Variants in PDIA4 observed in about 807,000 individuals in gnomAD.
The protein encoded by PDIA4 is protein disulfide isomerase family A member 4.
In PDIA4, 33 loss-of-function variants were observed where a neutral mutation model predicts 62.1. The observed-to-expected ratio is 0.53, with a 90% CI of 0.40 to 0.71. The LOEUF (loss-of-function observed/expected upper bound fraction) is 0.71. Ranked by LOEUF, PDIA4 falls within the 30% of genes least tolerant of loss-of-function variation. PDIA4 has a pLI of 0.00. For synonymous variants in PDIA4, 341 were observed against 324.1 expected (o/e 1.05, Z -0.56); for missense variants, 804 against 813.6 (o/e 0.99, Z 0.14).
In PDIA4 at chr7:149,015,060, A is replaced by G; in HGVS notation, c.476-18T>C. ...AACAATTTCTGAAAGAAACCAAGCA[A>G]GACTGAGCACACAAGGCCCAAACTG... On this transcript the variant is annotated intron_variant, in intron 3 of 9. Transcript: ENST00000652332. 1 of 1,613,906 alleles carries G rather than the reference A, an allele frequency of 6.2e-7. No individual in the cohort carries two copies. Among genetic ancestry groups the G allele is most frequent in the Non-Finnish European group, 8.5e-7 (1 of 1,179,908 alleles).
chr7:149,014,856 A>C (rs1399427603), intron 4 of PDIA4, 48 bp downstream of exon 4: 2 of 1,593,942 alleles, frequency 1.3e-6, no homozygotes, highest in Non-Finnish European at 8.6e-7. Context: ...CCCCGCACCT[A>C]GTGCCCACCA....
chr7:149,014,268 C>CA (rs1239319091), intron 4 of PDIA4, among the ~76,000 whole-genome samples: 3 of 152,116 alleles, frequency 2.0e-5, no homozygotes, highest in Admixed American at 1.3e-4. Flanking sequence ...GTTCTAGGCC[C>CA]AAAAGCTTCC....
At chr7:149,004,313 G>T in intron 9 of PDIA4, 104 bp from the exon 10 acceptor site, 1 of 1,072,878 alleles carries the variant, frequency 9.3e-7, no homozygotes, top group Non-Finnish European at 1.4e-6. Flanking sequence ...GCCACCAGAC[G>T]GGCCAGTCAC....
intron 2 of PDIA4, among the ~76,000 whole-genome samples, chr7:149,019,624 A>G (rs1285182002): frequency 1.3e-5 from 2 of 152,174 alleles, no homozygotes; most frequent in African/African-American, 4.8e-5. Flanking sequence ...CAGCCTGGCC[A>G]ACATAGTGAA....
In PDIA4 at chr7:149,020,981, C is replaced by T; in HGVS notation, c.255G>A (p.Glu85=). Residue 85 remains glutamate, a synonymous_variant, in exon 2 of 10, where the codon GAG becomes GAA. Transcript: ENST00000652332. ...GCGGTCCTTACCATGGAGCATAAAA[C>T]TCCAGCAGCACTGTGTCTTTGTCAG... ...FVADKDTVLL[E]FYAPWCGHCK... 6.2e-7 allele frequency: 1 copy of T among 1,614,154 alleles called. No homozygotes were observed. The highest frequency in any genetic ancestry group is 8.5e-7 in the Non-Finnish European group (1 of 1,180,010).
At chr7:149,007,440 C>G (rs549551986) in intron 7 of PDIA4, among the ~76,000 whole-genome samples, 2 of 152,310 alleles carry the variant, frequency 1.3e-5, no homozygotes, top group East Asian at 3.9e-4. Flanking sequence ...GCTGTGGGGT[C>G]TGGGGTGGGG....
At chr7:149,020,387 G>A (rs558591707) in intron 2 of PDIA4, among the ~76,000 whole-genome samples, 1 of 152,292 alleles carries the variant, frequency 6.6e-6, no homozygotes, top group East Asian at 1.9e-4. Context: ...GCAAAGCAGG[G>A]GTCATGAGAT....
intron 8 of PDIA4, 98 bp downstream of exon 8, chr7:149,005,799 T>G: frequency 1.0e-6 from 1 of 996,036 alleles, no homozygotes; most frequent in South Asian, 1.8e-5. Context: ...GAGTGAGCCA[T>G]GTACATACAG....
intron 4 of PDIA4, among the ~76,000 whole-genome samples, chr7:149,013,640 C>G (rs1824027175): frequency 6.6e-6 from 1 of 152,102 alleles, no homozygotes; most frequent in African/African-American, 2.4e-5. Flanking sequence ...CCACTGTACT[C>G]CAGCCCAGGT....
intron 4 of PDIA4, 70 bp from the exon 5 acceptor site, chr7:149,012,430 C>A: frequency 1.5e-6 from 2 of 1,341,252 alleles, no homozygotes; most frequent in Non-Finnish European, 2.1e-6. Context: ...AAATGAGCTG[C>A]AGAAACCCAT....
intron 1 of PDIA4, among the ~76,000 whole-genome samples, chr7:149,021,488 C>CAAAAAAA (rs34989074): frequency 1.2e-4 from 8 of 64,894 alleles, no homozygotes; most frequent in African/African-American, 4.3e-4. Flanking sequence ...CACTTCATCT[C>CAAAAAAA]AAAAAAAAAA....
At chr7:149,019,248 T>G in intron 2 of PDIA4, 51 bp from the exon 3 acceptor site, 1 of 1,299,880 alleles carries the variant, frequency 7.7e-7, no homozygotes, top group Non-Finnish European at 1.1e-6. Context: ...CCTATGGGAT[T>G]TAAATCCAAC....
At chr7:149,008,012 G>A in intron 7 of PDIA4, 147 bp downstream of exon 7, 1 of 731,672 alleles carries the variant, frequency 1.4e-6, no homozygotes, top group African/African-American at 1.8e-5. Flanking sequence ...GAAAACCTGT[G>A]GGGTGGGGAG....
In PDIA4 at chr7:149,003,754, G is replaced by C. The variant is rs375866955; in HGVS notation, c.*40C>G. 30 of 1,461,906 alleles carry C rather than the reference G, an allele frequency of 2.1e-5. No individual in the cohort carries two copies. Among genetic ancestry groups the C allele is most frequent in the Non-Finnish European group, 2.6e-5 (29 of 1,102,682 alleles). The allele number at this position is 1,461,906 out of a possible 1,614,324, so 90.6% of individuals were successfully genotyped here. On this transcript the variant is annotated 3_prime_UTR_variant, in exon 10 of 10. Transcript: ENST00000652332. Reference sequence around the variant, plus strand: ...GGACGCCCCGACCATGGGCCACGCAGGGCGTCTGCCTCCTCCCACCTTCCG... The same window carrying C: ...GGACGCCCCGACCATGGGCCACGCACGGCGTCTGCCTCCTCCCACCTTCCG...
chr7:149,021,729 G>A (rs912373665), intron 1 of PDIA4, among the ~76,000 whole-genome samples: 10 of 152,134 alleles, frequency 6.6e-5, no homozygotes, highest in Admixed American at 1.3e-4. Flanking sequence ...TTGGAGGGCA[G>A]CACAGACTAC....
At chr7:149,016,392 G>A (rs1824140972) in intron 3 of PDIA4, among the ~76,000 whole-genome samples, 1 of 152,132 alleles carries the variant, frequency 6.6e-6, no homozygotes, top group Non-Finnish European at 1.5e-5. Context: ...AAAACATGAA[G>A]GTACAGGATA....
Position 149,005,247 on chromosome 7 carries a change from C to T in PDIA4, c.1416G>A (p.Glu472=). 1 of 1,614,174 alleles carries T rather than the reference C, an allele frequency of 6.2e-7. No individual in the cohort carries two copies. Among genetic ancestry groups the T allele is most frequent in the Non-Finnish European group, 8.5e-7 (1 of 1,180,012 alleles). The part of the protein sequence containing the change: ...VKDLGLSESG[E]DVNAAILDES... Reference sequence around the variant, plus strand: ...CGTCCAGGATGGCGGCATTGACATCCTCCCCACTCTCGCTGAGCCCCAGGT... The same window carrying T: ...CGTCCAGGATGGCGGCATTGACATCTTCCCCACTCTCGCTGAGCCCCAGGT... The change falls in exon 9 of 10, where the codon GAG becomes GAA. Residue 472 remains glutamate (E), a synonymous_variant. Coordinates refer to ENST00000652332, the MANE Select transcript of PDIA4 (RefSeq NM_004911.5).
chr7:149,008,245 T>C lies in PDIA4; in HGVS notation c.1045A>G (p.Lys349Glu). ...ACAACCAACTGCCCCTGGGAGACTTTCAAGAACTTTGCTATTTCTGTGCTG... is the reference window on the plus strand; with the variant it reads ...ACAACCAACTGCCCCTGGGAGACTTCCAAGAACTTTGCTATTTCTGTGCTG... ...TFSTEIAKFL[K>E]VSQGQLVVMQ... The change falls in exon 7 of 10, where the codon AAA becomes GAA. Residue 349 changes from lysine (K) to glutamate (E), a missense_variant. Coordinates refer to ENST00000652332, the MANE Select transcript of PDIA4 (RefSeq NM_004911.5). 1 of 1,614,174 alleles carries C rather than the reference T, an allele frequency of 6.2e-7. No homozygotes were observed. The highest frequency in any genetic ancestry group is 8.5e-7 in the Non-Finnish European group (1 of 1,179,998).
Position 149,011,896 on chromosome 7 carries a change from C to T in PDIA4, c.929G>A (p.Gly310Glu). 1 of 1,605,334 alleles carries T rather than the reference C, an allele frequency of 6.2e-7. No individual in the cohort carries two copies. The highest frequency in any genetic ancestry group is 8.5e-7 in the Non-Finnish European group (1 of 1,175,464). ...LKDGDDVIII[G>E]VFKGESDPAY... ...TGGGTCACTCTCCCCCTTAAAGACC[C>T]CGATGATGATGACATCGTCTCCATC... is the stretch of plus-strand genomic sequence containing the variant. The change falls in exon 6 of 10, where the codon GGG (glycine) becomes GAG (glutamate). Residue 310 changes from glycine to glutamate, a missense_variant. By Grantham distance (98) the Gly-to-Glu change is moderately conservative (BLOSUM62 -2). Transcript: ENST00000652332.
Sources: allele counts gnomAD v4.1 joint callset (sites outside exome capture counted in the v4.1 genomes callset), GRCh38; gene constraint gnomAD v4.1.1; transcripts MANE v1.5; gene names NCBI Gene and HGNC (gene_info 2026-07-23, HGNC 2026-07-21).